Variants in CYP27C1 observed in about 807,000 individuals in gnomAD.
CYP27C1 encodes cytochrome P450 family 27 subfamily C member 1.
CYP27C1 carries 29 observed loss-of-function variants against 40.6 expected under a neutral mutation model. The observed-to-expected ratio is 0.71, with a 90% confidence interval of 0.53 to 0.97. The LOEUF is 0.97. Ranked by LOEUF, CYP27C1 falls within the 50% of genes least tolerant of loss-of-function variation. The pLI is 0.00. For missense variants in CYP27C1, 390 were observed against 485.8 expected (o/e 0.80, Z 1.85); for synonymous variants, 198 against 186.8 (o/e 1.06, Z -0.49).
Position 127,196,071 on chromosome 2 carries a change from T to TC in CYP27C1, c.1048-571_1048-570insG, listed in dbSNP as rs1198230610. 4.6e-5 allele frequency among the ~76,000 whole-genome samples: 7 copies of TC among 152,124 alleles called. No individual in the cohort carries two copies. Among genetic ancestry groups the TC allele is most frequent in the African/African-American group, 1.7e-4 (7 of 41,460 alleles). On this transcript the variant is annotated intron_variant, in intron 5 of 8. Coordinates refer to ENST00000664447, the MANE Select transcript of CYP27C1 (RefSeq NM_001367502.1). This position sits in a 1 kb window ranked among gnomAD's most constrained non-coding sequence, Gnocchi z 4.5. ...CGTCTATGCAAAGCAGTGTCTTTTT[T>TC]TTTTTTTTTGAGACGGAGTCTCGCT...
chr2:127,186,593 G>A lies in CYP27C1; in HGVS notation c.*678C>T, dbSNP rs1413593511. The A allele has an allele frequency of 1.3e-5, 2 of 152,040 alleles. No homozygotes were observed. The highest frequency in any genetic ancestry group is 6.6e-5 in the Admixed American group (1 of 15,242). 9.4% of individuals were successfully genotyped at this position (152,040 alleles called of 1,614,324 possible). Reference sequence around the variant, plus strand: ...ATTTTTGTATTTTTGGTAGAGACAGGGTTTCACCATGTTGCTCAGGCTGGT... The same window carrying A: ...ATTTTTGTATTTTTGGTAGAGACAGAGTTTCACCATGTTGCTCAGGCTGGT... On this transcript the variant is annotated 3_prime_UTR_variant, in exon 9 of 9. Coordinates refer to ENST00000664447, the MANE Select transcript of CYP27C1 (RefSeq NM_001367502.1). This position sits in a 1 kb window ranked among gnomAD's most constrained non-coding sequence, Gnocchi z 4.5.
intron 2 of CYP27C1, among the ~76,000 whole-genome samples, chr2:127,204,585 G>GA (rs1553503390): frequency 1.1e-5 from 1 of 91,922 alleles, no homozygotes; most frequent in African/African-American, 4.6e-5. Context: ...AAGAAAGAAA[G>GA]AAAGAAAGAA....
At chr2:127,198,215 G>A (rs200402614) in intron 5 of CYP27C1, among the ~76,000 whole-genome samples, 4 of 71,412 alleles carry the variant, frequency 5.6e-5, no homozygotes, top group East Asian at 4.1e-4. Flanking sequence ...ACACACACAC[G>A]CACTCATCAA....
At chr2:127,212,412 T>C (rs987674067) in intron 1 of CYP27C1, among the ~76,000 whole-genome samples, 3 of 152,142 alleles carry the variant, frequency 2.0e-5, no homozygotes, top group African/African-American at 4.8e-5. Flanking sequence ...GATGCAAAAG[T>C]CCTTAATAAA....
At chr2:127,198,847 C>T (rs1481277261) in intron 5 of CYP27C1, among the ~76,000 whole-genome samples, 4 of 152,178 alleles carry the variant, frequency 2.6e-5, no homozygotes, top group Non-Finnish European at 4.4e-5. Context: ...ATGACAGGAC[C>T]ACCCAACAAC....
intron 1 of CYP27C1, among the ~76,000 whole-genome samples, chr2:127,217,142 G>A (rs1683445169): frequency 6.6e-6 from 1 of 152,190 alleles, no homozygotes; most frequent in African/African-American, 2.4e-5. Context: ...GGAACTGGAG[G>A]TAGAAATGAT....
At chr2:127,199,035 AG>A (rs1272460990) in intron 5 of CYP27C1, among the ~76,000 whole-genome samples, 1 of 152,240 alleles carries the variant, frequency 6.6e-6, no homozygotes, top group Admixed American at 6.5e-5. Flanking sequence ...CTGTAATCCC[AG>A]CACTTTGGGA....
In CYP27C1 at chr2:127,195,899, T is replaced by C. The variant is rs1049982648; in HGVS notation, c.1048-398A>G. Among the ~76,000 whole-genome samples, 22 of 152,170 alleles carry C rather than the reference T, an allele frequency of 1.4e-4. No homozygotes were observed. Among genetic ancestry groups the C allele is most frequent in the African/African-American group, 5.3e-4 (22 of 41,532 alleles). ...TGCTCGGTGTGTGCCAGAAAGGGCC[T>C]CAGGCTGCCCCCCGGCATCCCCAGG... On this transcript the variant is annotated intron_variant, in intron 5 of 8. Coordinates refer to ENST00000664447, the MANE Select transcript of CYP27C1 (RefSeq NM_001367502.1). The surrounding 1 kb of genome is among the most constrained non-coding windows in gnomAD (Gnocchi z 6.2).
chr2:127,204,453 AAAG>A (rs879900937), intron 2 of CYP27C1, among the ~76,000 whole-genome samples: 4,960 of 37,678 alleles, frequency 0.13, 559 homozygotes, highest in East Asian at 0.26. Flanking sequence ...AGAAAGAAAG[AAAG>A]AAAGAAAGAA....
rs374495593 is a variant in CYP27C1, at chr2:127,193,086, C to T, written c.1497+8G>A. ...CCCAAAGGCCAACGTTTGGCCTCCACGCCCTACCTGGATCACGACGAGGTG... is the reference window on the plus strand; with the variant it reads ...CCCAAAGGCCAACGTTTGGCCTCCATGCCCTACCTGGATCACGACGAGGTG... On this transcript the variant is annotated splice_region_variant and intron_variant, in intron 8 of 8. Coordinates refer to ENST00000664447, the MANE Select transcript of CYP27C1 (RefSeq NM_001367502.1). 4.3e-6 allele frequency: 7 copies of T among 1,613,840 alleles called. No homozygotes were observed. The highest frequency in any genetic ancestry group is 2.2e-5 in the East Asian group (1 of 44,890).
In CYP27C1 at chr2:127,195,349, A is replaced by C; in HGVS notation, c.1200T>G (p.Leu400=). ...GAGCCTTTTACCTCAGGGTTTCCTT[A>C]AGGAGAGCTCTGACCAGCGGGACCT... ...VPKVPLVRAL[L]KETLRLFPVL... The change falls in exon 6 of 9, where the codon CTT becomes CTG. Residue 400 remains leucine, a synonymous_variant. Coordinates refer to ENST00000664447, the MANE Select transcript of CYP27C1 (RefSeq NM_001367502.1). This position sits in a 1 kb window ranked among gnomAD's most constrained non-coding sequence, Gnocchi z 6.2. The C allele has an allele frequency of 6.2e-7, 1 of 1,614,106 alleles. No individual in the cohort carries two copies. Among genetic ancestry groups the C allele is most frequent in the Non-Finnish European group, 8.5e-7 (1 of 1,180,004 alleles).
chr2:127,206,880 TG>T (rs1412637126), intron 1 of CYP27C1, among the ~76,000 whole-genome samples: 1 of 152,212 alleles, frequency 6.6e-6, no homozygotes, highest in African/African-American at 2.4e-5. Context: ...CTATCTCTAT[TG>T]GCAGATGACG....
chr2:127,213,331 A>G (rs2104700631), intron 1 of CYP27C1, among the ~76,000 whole-genome samples: 1 of 152,160 alleles, frequency 6.6e-6, no homozygotes, highest in East Asian at 1.9e-4. Flanking sequence ...TAAATTTCAT[A>G]TGGAATTGAA....
At chr2:127,215,633 G>A (rs1683417673) in intron 1 of CYP27C1, among the ~76,000 whole-genome samples, 1 of 152,136 alleles carries the variant, frequency 6.6e-6, no homozygotes, top group Admixed American at 6.5e-5. Flanking sequence ...ACTCTGGGAG[G>A]CCAAGGCAGG....
At chr2:127,217,472 G>A (rs1683452816) in intron 1 of CYP27C1, among the ~76,000 whole-genome samples, 1 of 152,202 alleles carries the variant, frequency 6.6e-6, no homozygotes, top group South Asian at 2.1e-4. Context: ...TAACCCATGA[G>A]AGGAATGGCG....
At position 127,201,328 on chromosome 2, in the gene CYP27C1, A is replaced by G. The variant is rs1010151222; in HGVS notation, c.677T>C (p.Val226Ala). The G allele has an allele frequency of 3.7e-6, 6 of 1,611,502 alleles. No homozygotes were observed. The African/African-American group carries it at 5.3e-5, about 14-fold the overall frequency. ...ACGACTCTCATAAAGGATGGTGGCC[A>G]CTCCTAGACAGGAAAGAGAATTTGA... ...DLFFKYSMEG[V>A]ATILYESRLG... The change falls in exon 4 of 9, where the codon GTG (valine) becomes GCG (alanine). Residue 226 changes from valine (V) to alanine (A), a missense_variant. Val to Ala is a moderately conservative substitution (Grantham distance 64, BLOSUM62 0). Coordinates refer to ENST00000664447, the MANE Select transcript of CYP27C1 (RefSeq NM_001367502.1). The surrounding 1 kb of genome is among the most constrained non-coding windows in gnomAD (Gnocchi z 6.0).
rs888314901 is a variant in CYP27C1 at position 127,200,846 on chromosome 2, G to A, written c.883+276C>T. On this transcript the variant is annotated intron_variant, in intron 4 of 8. Transcript: ENST00000664447. This position sits in a 1 kb window ranked among gnomAD's most constrained non-coding sequence, Gnocchi z 4.2. ...GGCATGGTGGCAGGTGCCTGTAATC[G>A]CAGCTACTCAGGAGGCTGAGGCATG... Among the ~76,000 whole-genome samples, 12 of 151,884 alleles carry A rather than the reference G, an allele frequency of 7.9e-5. No individual in the cohort carries two copies. Among genetic ancestry groups the A allele is most frequent in the African/African-American group, 1.5e-4 (6 of 41,350 alleles).
intron 8 of CYP27C1, among the ~76,000 whole-genome samples, 172 bp from the exon 9 acceptor site, chr2:127,187,559 C>G (rs931183422): frequency 2.0e-5 from 3 of 152,138 alleles, no homozygotes; most frequent in Non-Finnish European, 4.4e-5. Flanking sequence ...GTGGGAAGCC[C>G]GCTGTTTGGA....
chr2:127,197,986 G>A (rs1682942918), intron 5 of CYP27C1, among the ~76,000 whole-genome samples: 1 of 152,126 alleles, frequency 6.6e-6, no homozygotes. Context: ...ACACAGCCGG[G>A]AGGGGGCGGT....
Sources: gnomAD v4.1 joint callset for allele counts (sites outside exome capture counted in the v4.1 genomes callset) on GRCh38, gnomAD v4.1.1 for gene constraint, Gnocchi (gnomAD v3.1) non-coding constraint, MANE v1.5 for transcripts, NCBI Gene and HGNC (gene_info 2026-07-23, HGNC 2026-07-21) for gene names.